Variants in ABHD12 observed in about 807,000 individuals in gnomAD.
The protein encoded by ABHD12 is abhydrolase domain containing 12, lysophospholipase.
ABHD12 carries 43 observed loss-of-function variants against 58.3 expected under a neutral mutation model. That is an observed-to-expected ratio of 0.74 (90% CI 0.58 to 0.95). The LOEUF (loss-of-function observed/expected upper bound fraction) is 0.95, where lower values mean the gene tolerates loss of function less well. Ranked by LOEUF, ABHD12 falls within the 40% of genes least tolerant of loss-of-function variation. ABHD12 has a pLI of 0.00. For synonymous variants in ABHD12, 219 were observed against 211.2 expected (o/e 1.04, Z -0.32); for missense variants, 539 against 537.2 (o/e 1.00, Z -0.03).
chr20:25,309,985 G>A (rs1015052588), intron 6 of ABHD12, among the ~76,000 whole-genome samples: 10 of 152,218 alleles, frequency 6.6e-5, no homozygotes, highest in Non-Finnish European at 4.4e-5. Context: ...ACCCTCTTGG[G>A]CAGGGGAGTG....
At chr20:25,357,390 G>A (rs919274054) in intron 1 of ABHD12, among the ~76,000 whole-genome samples, 17 of 152,158 alleles carry the variant, frequency 1.1e-4, no homozygotes, top group Non-Finnish European at 2.4e-4. Flanking sequence ...CTCTCCCCAC[G>A]AATAAGTAGC....
At position 25,369,927 on chromosome 20, in the gene ABHD12, TAAAAAAAAAAA is replaced by T. The variant is rs3032443; in HGVS notation, c.191+20575_191+20585del. On this transcript the variant is annotated intron_variant, in intron 1 of 12. Coordinates refer to ENST00000339157, the MANE Select transcript of ABHD12 (RefSeq NM_001042472.3). ...AGACCCTGTTTCTCTGTCTCTGTTA[TAAAAAAAAAAA>T]AAAAAAAAAAAGCCCTTTGTAGATT... Among the ~76,000 whole-genome samples the T allele has an allele frequency of 5.0e-4, 46 of 91,430 alleles. 1 individual carries two copies. Among genetic ancestry groups the T allele is most frequent in the African/African-American group, 1.8e-3 (43 of 23,540 alleles). 60.0% of individuals were successfully genotyped at this position (91,430 alleles called of 152,430 possible). A position where few individuals can be genotyped will look rare whatever the true frequency, so the allele number is the denominator to read the frequency against.
At chr20:25,296,362 C>T, downstream of ABHD12, 1 of 1,614,036 alleles carries the variant, frequency 6.2e-7, no homozygotes, top group South Asian at 1.1e-5. Context: ...TCATCTCCTT[C>T]CCTGCAGAAC....
At chr20:25,295,592 C>G (rs201610602), downstream of ABHD12, 3 of 1,613,148 alleles carry the variant, frequency 1.9e-6, no homozygotes, top group Non-Finnish European at 2.5e-6. Context: ...AGCCTCCTTT[C>G]TCCCATTCCA....
intron 10 of ABHD12, 38 bp downstream of exon 10, chr20:25,306,795 C>G: frequency 6.8e-7 from 1 of 1,474,180 alleles, no homozygotes; most frequent in Non-Finnish European, 9.4e-7. Flanking sequence ...CAGAGTTTTT[C>G]TAAATAGGAA....
At chr20:25,324,327 C>T (rs531025684) in intron 2 of ABHD12, among the ~76,000 whole-genome samples, 99 of 152,314 alleles carry the variant, frequency 6.5e-4, no homozygotes, top group African/African-American at 2.1e-3. Flanking sequence ...AGGCTGCTCA[C>T]ACAGCTTCAA....
At chr20:25,337,595 G>C (rs1185194974) in intron 2 of ABHD12, among the ~76,000 whole-genome samples, 1 of 152,248 alleles carries the variant, frequency 6.6e-6, no homozygotes, top group Non-Finnish European at 1.5e-5. Context: ...AGGCCACGCA[G>C]GGCAATGCAC....
chr20:25,371,722 C>T (rs992355124), intron 1 of ABHD12, among the ~76,000 whole-genome samples: 1 of 152,276 alleles, frequency 6.6e-6, no homozygotes, highest in Middle Eastern at 3.4e-3. Context: ...TTCCCTTCCT[C>T]ACAGTAAAAA....
At chr20:25,296,757 G>T (rs191766656), downstream of ABHD12, 4 of 560,572 alleles carry the variant, frequency 7.1e-6, no homozygotes, top group East Asian at 1.4e-4. Context: ...ACAAAGGGTC[G>T]TGGCCAGCCC....
chr20:25,330,919 A>G (rs2089262338), intron 2 of ABHD12, among the ~76,000 whole-genome samples: 1 of 152,250 alleles, frequency 6.6e-6, no homozygotes, highest in East Asian at 1.9e-4. Flanking sequence ...CTCCTCCTCC[A>G]AAGGAACGCA....
At position 25,372,245 on chromosome 20, in the gene ABHD12, T is replaced by A. The variant is rs1600868162; in HGVS notation, c.191+18268A>T. Among the ~76,000 whole-genome samples, 5 of 151,870 alleles carry A rather than the reference T, an allele frequency of 3.3e-5. No individual in the cohort carries two copies. The South Asian group carries it at 1.0e-3, about 32-fold the overall frequency. ...CTTTTTTTTTTTTTAAGAAACAAGA[T>A]CTTACTCTGTCACCTGCGCTTAAGT... On this transcript the variant is annotated intron_variant, in intron 1 of 12. Coordinates refer to ENST00000339157, the MANE Select transcript of ABHD12 (RefSeq NM_001042472.3).
intron 1 of ABHD12, among the ~76,000 whole-genome samples, chr20:25,389,763 G>A (rs1423060398): frequency 6.6e-6 from 1 of 152,240 alleles, no homozygotes; most frequent in Non-Finnish European, 1.5e-5. Flanking sequence ...TGTGCGGACA[G>A]ATTTCAAGTA....
chr20:25,349,083 C>CAA (rs61219186), intron 1 of ABHD12, among the ~76,000 whole-genome samples: 1,509 of 61,596 alleles, frequency 0.024, 30 homozygotes, highest in African/African-American at 0.073. Context: ...GACTCCGTCT[C>CAA]AAAAAAAAAA....
intron 7 of ABHD12, 110 bp downstream of exon 7, chr20:25,309,336 C>A: frequency 6.5e-7 from 1 of 1,538,172 alleles, no homozygotes; most frequent in Non-Finnish European, 8.9e-7. Flanking sequence ...CTGGTCGGGA[C>A]TAATGGTGCC....
At chr20:25,332,139 AG>A (rs1483112305) in intron 2 of ABHD12, among the ~76,000 whole-genome samples, 1 of 152,012 alleles carries the variant, frequency 6.6e-6, no homozygotes, top group East Asian at 1.9e-4. Context: ...AAACAAAAAA[AG>A]GCAGGGGTTG....
At chr20:25,355,804 G>T (rs1408946682) in intron 1 of ABHD12, among the ~76,000 whole-genome samples, 1 of 152,130 alleles carries the variant, frequency 6.6e-6, no homozygotes, top group African/African-American at 2.4e-5. Flanking sequence ...TGATCCACCG[G>T]CCTCAGCCTC....
In ABHD12 at chr20:25,295,110, T is replaced by C. The variant is rs2088520052; in HGVS notation, c.1158-80A>G. On this transcript the variant is annotated intron_variant, in intron 12 of 12. Coordinates refer to the ABHD12 transcript ENST00000376542. ...CTTCTGACTCGATAGTGAACAGAAATGCATTTGTAGATTCATAAATCTGGC... is the reference window on the plus strand; with the variant it reads ...CTTCTGACTCGATAGTGAACAGAAACGCATTTGTAGATTCATAAATCTGGC... The C allele has an allele frequency of 3.6e-6, 5 of 1,406,688 alleles. No homozygotes were observed. The Admixed American group carries it at 5.0e-5, about 14-fold the overall frequency. The allele number at this position is 1,406,688 out of a possible 1,614,324, so 87.1% of individuals were successfully genotyped here.
chr20:25,348,447 A>AAAC (rs1491437972), intron 1 of ABHD12, among the ~76,000 whole-genome samples: 1 of 5,514 alleles, frequency 1.8e-4, no homozygotes, highest in East Asian at 1.9e-3. Flanking sequence ...ACCATTTGGT[A>AAAC]AAAAAAAAAA....
At chr20:25,359,529 A>C (rs1180199217) in intron 1 of ABHD12, among the ~76,000 whole-genome samples, 1 of 152,096 alleles carries the variant, frequency 6.6e-6, no homozygotes, top group Non-Finnish European at 1.5e-5. Context: ...ATGACAAAAT[A>C]TCTCATATTA....
Sources: gnomAD v4.1 joint callset for allele counts (sites outside exome capture counted in the v4.1 genomes callset) on GRCh38, gnomAD v4.1.1 for gene constraint, MANE v1.5 for transcripts, NCBI Gene and HGNC (gene_info 2026-07-23, HGNC 2026-07-21) for gene names.